Variants in NEB observed in about 807,000 individuals in gnomAD.
The protein encoded by NEB is nebulin, also known as nemaline myopathy type 2.
Under a neutral mutation model 952.2 loss-of-function variants are expected in NEB, and 512 were observed. That is an observed-to-expected ratio of 0.54 (90% CI 0.50 to 0.58). The LOEUF is 0.58. Ranked by LOEUF, NEB falls within the 20% of genes least tolerant of loss-of-function variation. The pLI is 0.00. For synonymous variants in NEB, 2,900 were observed against 3,149.8 expected (o/e 0.92, Z 2.66); for missense variants, 8,428 against 9,231.1 (o/e 0.91, Z 3.56).
Position 151,563,935 on chromosome 2 carries a change from A to C in NEB, c.18472-5T>G, listed in dbSNP as rs771739057. ...CCACGCCCCTTTATACAGTATCTAG[A>C]ACAAAGAAATACATGGCAACAAAAG... On this transcript the variant is annotated splice_region_variant and splice_polypyrimidine_tract_variant and intron_variant, in intron 117 of 181. Transcript: ENST00000397345. 8 of 1,587,812 alleles carry C rather than the reference A, an allele frequency of 5.0e-6. No individual in the cohort carries two copies. The highest frequency in any genetic ancestry group is 6.9e-6 in the Non-Finnish European group (8 of 1,165,146).
At chr2:151,669,323 C>A (rs2099257872) in intron 38 of NEB, among the ~76,000 whole-genome samples, 192 bp from the exon 39 acceptor site, 1 of 152,132 alleles carries the variant, frequency 6.6e-6, no homozygotes, top group African/African-American at 2.4e-5. Context: ...TATTGGACAG[C>A]ACTGTGGGCC....
intron 160 of NEB, 106 bp from the exon 161 acceptor site, chr2:151,512,943 C>A: frequency 1.4e-6 from 1 of 728,904 alleles, no homozygotes; most frequent in Non-Finnish European, 2.4e-6. Context: ...AAGAGGGACT[C>A]ATTCATTTGA....
chr2:151,684,536 G>A (rs2099472870), intron 28 of NEB, among the ~76,000 whole-genome samples: 1 of 152,138 alleles, frequency 6.6e-6, no homozygotes, highest in Non-Finnish European at 1.5e-5. Flanking sequence ...ATTTTACAGA[G>A]GAGGACTCTA....
rs374619990 is a variant in NEB at position 151,534,195 on chromosome 2, G to A, written c.21313-649C>T. 57 of 1,597,238 alleles carry A rather than the reference G, an allele frequency of 3.6e-5. No individual in the cohort carries two copies. Among genetic ancestry groups the A allele is most frequent in the East Asian group, 8.9e-5 (4 of 44,818 alleles). On this transcript the variant is annotated intron_variant, in intron 142 of 181. Coordinates refer to ENST00000397345, the MANE Select transcript of NEB (RefSeq NM_001164508.2). ...GGAGCACAGTCCTGCCTGGGCCACC[G>A]GCCAGCCCCATCACAGTACCTGACT...
At chr2:151,697,763 T>C (rs774985944) in intron 13 of NEB, 115 bp from the exon 14 acceptor site, 3 of 748,742 alleles carry the variant, frequency 4.0e-6, no homozygotes, top group Non-Finnish European at 6.3e-6. Context: ...GCCTGTCAAC[T>C]GTCTTAAAAA....
At position 151,684,738 on chromosome 2, in the gene NEB, T is replaced by C. The variant is rs77543961; in HGVS notation, c.2835+40A>G. 1.5e-3 allele frequency: 2,150 copies of C among 1,481,066 alleles called. 1 individual carries two copies. Among genetic ancestry groups the C allele is most frequent in the Non-Finnish European group, 1.8e-3 (2,017 of 1,105,010 alleles). The allele number at this position is 1,481,066 out of a possible 1,614,324, so 91.7% of individuals were successfully genotyped here. On this transcript the variant is annotated intron_variant, in intron 28 of 181. Coordinates refer to ENST00000397345, the MANE Select transcript of NEB (RefSeq NM_001164508.2). ...ACTTCAAAGTCCATTTCAGTTTCCATCTTTTTAAAAGAGGGGCTACAGAAA... is the reference window on the plus strand; with the variant it reads ...ACTTCAAAGTCCATTTCAGTTTCCACCTTTTTAAAAGAGGGGCTACAGAAA...
Position 151,537,253 on chromosome 2 carries a change from A to G in NEB, c.21103-17T>C. 1 of 1,506,638 alleles carries G rather than the reference A, an allele frequency of 6.6e-7. No individual in the cohort carries two copies. Among genetic ancestry groups the G allele is most frequent in the Non-Finnish European group, 9.2e-7 (1 of 1,083,950 alleles). The allele number at this position is 1,506,638 out of a possible 1,614,324, so 93.3% of individuals were successfully genotyped here. ...ATATTTTACCTGGGAGAAGAAGAACATCAAAGAGTTCTAAGAAGCCATCTC... is the reference window on the plus strand; with the variant it reads ...ATATTTTACCTGGGAGAAGAAGAACGTCAAAGAGTTCTAAGAAGCCATCTC... On this transcript the variant is annotated splice_polypyrimidine_tract_variant and intron_variant, in intron 140 of 181. Transcript: ENST00000397345.
chr2:151,511,514 A>G (rs929405668), intron 161 of NEB, among the ~76,000 whole-genome samples: 3 of 152,228 alleles, frequency 2.0e-5, no homozygotes, highest in African/African-American at 7.2e-5. Context: ...CAGATTTACT[A>G]GCATCAAAAT....
intron 71 of NEB, among the ~76,000 whole-genome samples, chr2:151,622,592 CTTA>C (rs1243891710): frequency 3.3e-5 from 5 of 151,966 alleles, no homozygotes; most frequent in Non-Finnish European, 4.4e-5. Flanking sequence ...CTTCATTTTA[CTTA>C]TTATTATTAT....
At chr2:151,609,616 T>C (rs2153969427) in intron 81 of NEB, among the ~76,000 whole-genome samples, 193 bp downstream of exon 81, 1 of 152,360 alleles carries the variant, frequency 6.6e-6, no homozygotes, top group South Asian at 2.1e-4. Context: ...TATATTTGTC[T>C]GAAATATGTT....
intron 169 of NEB, among the ~76,000 whole-genome samples, chr2:151,498,812 A>AGAGT (rs979401942): frequency 2.0e-5 from 3 of 152,132 alleles, no homozygotes; most frequent in African/African-American, 7.2e-5. Context: ...AAAAGAAGTC[A>AGAGT]GAGTATTTAA....
At chr2:151,734,014 CTGGT>C (rs2099815448) in intron 1 of NEB, among the ~76,000 whole-genome samples, 1 of 152,188 alleles carries the variant, frequency 6.6e-6, no homozygotes, top group South Asian at 2.1e-4. Context: ...CCTGCAGTGG[CTGGT>C]TTTGTTAAGC....
chr2:151,506,703 T>TA (rs1159289488), intron 163 of NEB, among the ~76,000 whole-genome samples: 3 of 152,216 alleles, frequency 2.0e-5, no homozygotes, highest in African/African-American at 7.2e-5. Context: ...AAATAAAAGT[T>TA]ACGTTGTTAG....
In NEB at chr2:151,671,214, C is replaced by T. The variant is rs771779312; in HGVS notation, c.4315G>A (p.Glu1439Lys). Residue 1439 changes from glutamate to lysine, a missense_variant, in exon 38 of 182, where the codon GAG (glutamate) becomes AAG (lysine). Around this residue, in one of 11 missense-constraint regions of NEB, gnomAD observed 2,851 missense variants for 2,791.5 expected, o/e 1.02. Coordinates refer to ENST00000397345, the MANE Select transcript of NEB (RefSeq NM_001164508.2). ...ATGCCCTTCAAGAAGCTGTTATACT[C>T]GTCTTTATACACATTCTGTAAAAGG... is the stretch of plus-strand genomic sequence containing the variant. The part of the protein sequence containing the change: ...QIQSDNVYKD[E>K]YNSFLKGIGW... 29 of 1,612,970 alleles carry T rather than the reference C, an allele frequency of 1.8e-5. No homozygotes were observed. The highest frequency in any genetic ancestry group is 5.0e-5 in the Admixed American group (3 of 59,990).
At chr2:151,723,287 A>G in intron 9 of NEB, 95 bp downstream of exon 9, 2 of 732,708 alleles carry the variant, frequency 2.7e-6, no homozygotes, top group South Asian at 2.2e-5. Flanking sequence ...TTAGTCTCTT[A>G]TACAGAAGAG....
At chr2:151,576,406 G>C in intron 105 of NEB, 52 bp from the exon 106 acceptor site, 7 of 1,367,538 alleles carry the variant, frequency 5.1e-6, no homozygotes, top group Non-Finnish European at 6.9e-6. Context: ...TTGTGTATGT[G>C]TGTGGTAAAA....
chr2:151,669,217 C>T (rs2099256340), intron 38 of NEB, 86 bp from the exon 39 acceptor site: 1 of 949,320 alleles, frequency 1.1e-6, no homozygotes, highest in African/African-American at 1.6e-5. Context: ...AAACGGAAGG[C>T]TATCATTTGT....
At chr2:151,525,058 A>T (rs970832638) in intron 151 of NEB, 105 bp downstream of exon 151, 3 of 868,830 alleles carry the variant, frequency 3.5e-6, no homozygotes, top group Non-Finnish European at 5.7e-6. Context: ...TTTTGAAACT[A>T]CCACAGAGGA....
At chr2:151,601,143 T>C (rs1560289320) in intron 88 of NEB, among the ~76,000 whole-genome samples, 1 of 128,144 alleles carries the variant, frequency 7.8e-6, no homozygotes, top group Admixed American at 7.3e-5. Context: ...AGTCTCGCTC[T>C]GCTCCCCAGG....
Sources: gnomAD v4.1 joint callset for allele counts (sites outside exome capture counted in the v4.1 genomes callset) on GRCh38, gnomAD v4.1.1 for gene constraint, gnomAD v4.1.1 regional missense constraint, MANE v1.5 for transcripts, NCBI Gene and HGNC (gene_info 2026-07-23, HGNC 2026-07-21) for gene names.